The following EPHA5 variants were observed in gnomAD, a reference collection of about 807,000 sequenced individuals.
The protein encoded by EPHA5 is EPH receptor A5, also known as ephrin type-A receptor 5.
Under a neutral mutation model 105.0 loss-of-function variants are expected in EPHA5, and 60 were observed. The ratio of observed to expected loss-of-function variants is 0.57; its 90% CI spans 0.46 to 0.71. The LOEUF (loss-of-function observed/expected upper bound fraction) is 0.71. Among genes scored for constraint, EPHA5 ranks in the 30% least tolerant of loss-of-function variants. The pLI, the probability that EPHA5 is intolerant of heterozygous loss-of-function variation, is 0.00. For missense variants in EPHA5, 1,218 were observed against 1,274.7 expected (o/e 0.96, Z 0.68); for synonymous variants, 513 against 449.1 (o/e 1.14, Z -1.80).
intron 3 of EPHA5, among the ~76,000 whole-genome samples, chr4:65,592,533 G>T (rs1742767563): frequency 6.6e-6 from 1 of 150,432 alleles, no homozygotes; most frequent in Non-Finnish European, 1.5e-5. Context: ...AAAAGAAAAA[G>T]AAAAGAAAAG....
intron 13 of EPHA5, among the ~76,000 whole-genome samples, chr4:65,348,793 G>GTGTGTGTGTGTATA (rs1172722234): frequency 2.3e-5 from 1 of 42,852 alleles, no homozygotes; most frequent in African/African-American, 1.0e-4. Context: ...GTGTGTGTGT[G>GTGTGTGTGTGTATA]TATATATATA....
chr4:65,551,693 A>T (rs1481632607), intron 3 of EPHA5, among the ~76,000 whole-genome samples: 1 of 152,140 alleles, frequency 6.6e-6, no homozygotes, highest in Non-Finnish European at 1.5e-5. Flanking sequence ...TTTTTATTGC[A>T]TAACAGTGTC....
intron 16 of EPHA5, 191 bp downstream of exon 16, chr4:65,331,782 C>T: frequency 8.0e-7 from 1 of 1,247,576 alleles, no homozygotes. Context: ...AGCAAAGAAG[C>T]AAAGATACTG....
chr4:65,547,000 A>G (rs916573048), intron 3 of EPHA5, among the ~76,000 whole-genome samples: 1 of 152,078 alleles, frequency 6.6e-6, no homozygotes, highest in East Asian at 1.9e-4. Context: ...TGTGACTGGA[A>G]GCAAAAATTC....
intron 5 of EPHA5, among the ~76,000 whole-genome samples, chr4:65,440,716 G>A (rs545766582): frequency 1.5e-3 from 234 of 152,138 alleles, no homozygotes; most frequent in African/African-American, 5.4e-3. Context: ...GGGCCTTTGA[G>A]GAGGAGCGAT....
At chr4:65,631,208 C>A (rs759207740) in intron 2 of EPHA5, among the ~76,000 whole-genome samples, 1 of 152,166 alleles carries the variant, frequency 6.6e-6, no homozygotes, top group Non-Finnish European at 1.5e-5. Context: ...CTTCACTGTG[C>A]ATTTTCCCTT....
intron 5 of EPHA5, among the ~76,000 whole-genome samples, chr4:65,474,986 C>T (rs1041670353): frequency 3.9e-5 from 6 of 152,036 alleles, no homozygotes; most frequent in African/African-American, 1.2e-4. Flanking sequence ...CATACCATGA[C>T]TAAGTGGATT....
chr4:65,493,980 G>C (rs934664564), intron 4 of EPHA5, among the ~76,000 whole-genome samples: 1 of 152,086 alleles, frequency 6.6e-6, no homozygotes, highest in African/African-American at 2.4e-5. Flanking sequence ...GCATTCATTT[G>C]CTCTCATAAG....
chr4:65,634,773 T>C (rs1385866800), intron 2 of EPHA5, among the ~76,000 whole-genome samples: 1 of 152,066 alleles, frequency 6.6e-6, no homozygotes, highest in Non-Finnish European at 1.5e-5. Flanking sequence ...AGCATTACTT[T>C]AATCTTTATT....
chr4:65,649,052 T>C (rs894573835), intron 1 of EPHA5, among the ~76,000 whole-genome samples: 7 of 152,220 alleles, frequency 4.6e-5, no homozygotes, highest in Admixed American at 1.3e-4. Flanking sequence ...CATAGCCAAC[T>C]GTATTTTCAC....
chr4:65,391,904 A>AG (rs1294471025), intron 8 of EPHA5, among the ~76,000 whole-genome samples: 2 of 152,152 alleles, frequency 1.3e-5, no homozygotes, highest in Non-Finnish European at 2.9e-5. Flanking sequence ...GAGTGATATT[A>AG]ACTTGTTGTT....
Position 65,534,822 on chromosome 4 carries a change from TA to T in EPHA5, c.911-39280del, listed in dbSNP as rs138460336. Among the ~76,000 whole-genome samples, 40 of 152,320 alleles carry T rather than the reference TA, an allele frequency of 2.6e-4. No individual in the cohort carries two copies. The East Asian group carries it at 7.3e-3, about 28-fold the overall frequency. On this transcript the variant is annotated intron_variant, in intron 3 of 16. Transcript: ENST00000613740. Reference sequence around the variant, plus strand: ...TGCATCAAATACAACAAAACATGCTTAAATGGATATATTATGTTCACTGAAA... The same window carrying T: ...TGCATCAAATACAACAAAACATGCTTAATGGATATATTATGTTCACTGAAA...
chr4:65,528,786 G>A (rs529253321), intron 3 of EPHA5, among the ~76,000 whole-genome samples: 63 of 152,198 alleles, frequency 4.1e-4, no homozygotes, highest in Non-Finnish European at 7.1e-4. Flanking sequence ...ACTAAATCGA[G>A]CACTTAAATC....
intron 6 of EPHA5, among the ~76,000 whole-genome samples, chr4:65,415,832 G>T (rs1480855272): frequency 1.3e-5 from 2 of 151,896 alleles, no homozygotes; most frequent in Non-Finnish European, 2.9e-5. Context: ...CCTTCTGTAT[G>T]CTAGGATCAT....
chr4:65,574,650 A>ATG (rs1457519840), intron 3 of EPHA5, among the ~76,000 whole-genome samples: 11 of 114,332 alleles, frequency 9.6e-5, no homozygotes, highest in African/African-American at 2.8e-4. Flanking sequence ...ACACATATAT[A>ATG]TACACATATA....
intron 8 of EPHA5, among the ~76,000 whole-genome samples, chr4:65,388,649 A>C (rs557039249): frequency 8.3e-4 from 103 of 124,276 alleles, no homozygotes; most frequent in African/African-American, 2.7e-3. Context: ...TCCTTTGCCC[A>C]CTTTTTGATG....
chr4:65,393,657 C>T (rs540694626), intron 8 of EPHA5, among the ~76,000 whole-genome samples: 24 of 152,294 alleles, frequency 1.6e-4, no homozygotes, highest in Admixed American at 8.5e-4. Context: ...GCATAACAGA[C>T]ATTATTTTAA....
chr4:65,599,067 C>T (rs762000337), intron 3 of EPHA5, among the ~76,000 whole-genome samples: 62 of 151,992 alleles, frequency 4.1e-4, no homozygotes, highest in Non-Finnish European at 7.2e-4. Flanking sequence ...TATATAAAGT[C>T]ATTCATTAAA....
chr4:65,443,267 T>C (rs1726188864), intron 5 of EPHA5, among the ~76,000 whole-genome samples: 1 of 151,924 alleles, frequency 6.6e-6, no homozygotes, highest in Non-Finnish European at 1.5e-5. Context: ...CTATCTGAAT[T>C]ACATAAAGCT....
Sources: allele counts gnomAD v4.1 joint callset (sites outside exome capture counted in the v4.1 genomes callset), GRCh38; gene constraint gnomAD v4.1.1; transcripts MANE v1.5; gene names NCBI Gene and HGNC (gene_info 2026-07-23, HGNC 2026-07-21).